The following CLPTM1L variants were observed in gnomAD, a reference collection of about 807,000 sequenced individuals.
CLPTM1L encodes lipid scramblase CLPTM1L.
CLPTM1L carries 38 observed loss-of-function variants against 70.9 expected under a neutral mutation model. That is an observed-to-expected ratio of 0.54 (90% CI 0.41 to 0.70). CLPTM1L has a LOEUF of 0.70. Among genes scored for constraint, CLPTM1L ranks in the 30% least tolerant of loss-of-function variants. CLPTM1L has a pLI of 0.00. For synonymous variants in CLPTM1L, 339 were observed against 299.9 expected (o/e 1.13, Z -1.35); for missense variants, 652 against 705.9 (o/e 0.92, Z 0.87).
At chr5:1,338,794 C>G (rs929628431) in intron 4 of CLPTM1L, 66 bp downstream of exon 4, 3 of 1,593,790 alleles carry the variant, frequency 1.9e-6, no homozygotes, top group Non-Finnish European at 2.6e-6. Flanking sequence ...GACCTGCTGG[C>G]GAGTTCTGGC....
chr5:1,323,910 G>A (rs1406102374), intron 11 of CLPTM1L, 41 bp from the exon 12 acceptor site: 22 of 1,459,048 alleles, frequency 1.5e-5, no homozygotes, highest in Middle Eastern at 1.8e-4. Flanking sequence ...AGGCCCAAAC[G>A]CCAAGCCTCT....
At position 1,328,392 on chromosome 5, in the gene CLPTM1L, T is replaced by C. The variant is rs867572113; in HGVS notation, c.1080+1888A>G. ...CCAGCTCCTCCTCTACAGGGACATTTCTTCCAGCTCCTCCTCTACAGACAC... is the reference window on the plus strand; with the variant it reads ...CCAGCTCCTCCTCTACAGGGACATTCCTTCCAGCTCCTCCTCTACAGACAC... On this transcript the variant is annotated intron_variant, in intron 9 of 16. Coordinates refer to ENST00000320895, the MANE Select transcript of CLPTM1L (RefSeq NM_030782.5). 3.0e-3 allele frequency among the ~76,000 whole-genome samples: 398 copies of C among 132,020 alleles called. 9 individuals carry two copies. The highest frequency in any genetic ancestry group is 0.01 in the African/African-American group (334 of 32,830). The allele number at this position is 132,020 out of a possible 152,430, so 86.6% of individuals were successfully genotyped here.
Position 1,334,383 on chromosome 5 carries a change from C to G in CLPTM1L, c.797G>C (p.Gly266Ala). The G allele has an allele frequency of 6.4e-7, 1 of 1,553,636 alleles. No homozygotes were observed. Among genetic ancestry groups the G allele is most frequent in the Non-Finnish European group, 8.7e-7 (1 of 1,145,576 alleles). Reference sequence around the variant, plus strand: ...CTCATCAGCATCTTTCTCTGAAAACCCTGTCAAGGAAAAAAAAACATACAA... The same window carrying G: ...CTCATCAGCATCTTTCTCTGAAAACGCTGTCAAGGAAAAAAAAACATACAA... ...QDAVYSLQQFGFSEKDADEVK... is the reference protein window; with the variant it reads ...QDAVYSLQQFAFSEKDADEVK... The change falls in exon 7 of 17, where the codon GGG (glycine) becomes GCG (alanine). Residue 266 changes from glycine (G) to alanine (A), a missense_variant and splice_region_variant. Around this residue, in one of 3 missense-constraint regions of CLPTM1L, gnomAD observed 402 missense variants for 388.2 expected, o/e 1.04. Transcript: ENST00000320895.
intron 6 of CLPTM1L, 40 bp downstream of exon 6, chr5:1,335,017 G>A (rs187613637): frequency 1.3e-6 from 2 of 1,526,810 alleles, no homozygotes; most frequent in Non-Finnish European, 1.8e-6. Flanking sequence ...AGGGGCTCCA[G>A]GGCGGCCTCA....
chr5:1,324,063 G>C (rs554874230), intron 11 of CLPTM1L, 194 bp from the exon 12 acceptor site: 1 of 586,450 alleles, frequency 1.7e-6, no homozygotes, highest in Non-Finnish European at 3.0e-6. Context: ...AGGAGGCACC[G>C]CACACGCCAG....
rs1477797290 is a variant in CLPTM1L at position 1,321,834 on chromosome 5, A to G, written c.1316-15T>C. 3 of 1,612,188 alleles carry G rather than the reference A, an allele frequency of 1.9e-6. No individual in the cohort carries two copies. In the East Asian group the frequency reaches 6.7e-5, roughly 36 times the overall value. ...GGCATAGACCCCTGCAGAAAGACAG[A>G]CAGCACTCACGAGGTGCGGAGGGCC... On this transcript the variant is annotated splice_polypyrimidine_tract_variant and intron_variant, in intron 13 of 16. Transcript: ENST00000320895.
In CLPTM1L at chr5:1,318,863, C is replaced by A. The variant is rs1025608992; in HGVS notation, c.1533-410G>T. ...TGAACACTTGGCAGGACACTGCCGC[C>A]GCCTTTGATCCTGAGCGCCCCGGAG... On this transcript the variant is annotated intron_variant, in intron 16 of 16. Transcript: ENST00000320895. The surrounding 1 kb of genome is among the most constrained non-coding windows in gnomAD (Gnocchi z 8.9). 6.6e-6 allele frequency among the ~76,000 whole-genome samples: 1 copy of A among 152,172 alleles called. No homozygotes were observed. The highest frequency in any genetic ancestry group is 2.4e-5 in the African/African-American group (1 of 41,450).
chr5:1,341,548 C>G (rs1753935318), intron 3 of CLPTM1L, 123 bp downstream of exon 3: 3 of 752,974 alleles, frequency 4.0e-6, no homozygotes, highest in Admixed American at 5.5e-5. Context: ...ATTCCAATGG[C>G]TTTTGGCTTT....
At chr5:1,341,392 C>T (rs1376574392) in intron 3 of CLPTM1L, among the ~76,000 whole-genome samples, 1 of 152,226 alleles carries the variant, frequency 6.6e-6, no homozygotes, top group Non-Finnish European at 1.5e-5. Context: ...CAGTAGGTGC[C>T]CCCAGAGACT....
At chr5:1,325,978 T>C (rs1301632096) in intron 9 of CLPTM1L, 162 bp from the exon 10 acceptor site, 4 of 621,684 alleles carry the variant, frequency 6.4e-6, no homozygotes, top group Admixed American at 2.9e-5. Context: ...CGCTGGAGGC[T>C]GGACCTGGGC....
intron 12 of CLPTM1L, among the ~76,000 whole-genome samples, 190 bp from the exon 13 acceptor site, chr5:1,323,101 C>T (rs924969660): frequency 3.3e-5 from 5 of 152,092 alleles, no homozygotes; most frequent in African/African-American, 4.8e-5. Context: ...CACCCCCGGC[C>T]GGGCAGCAGA....
intron 13 of CLPTM1L, among the ~76,000 whole-genome samples, chr5:1,322,372 C>A (rs978832521): frequency 1.3e-5 from 2 of 152,254 alleles, no homozygotes; most frequent in Non-Finnish European, 2.9e-5. Context: ...GGACATGTGG[C>A]CCCGAGCACA....
chr5:1,340,271 G>A (rs555406609), intron 3 of CLPTM1L, among the ~76,000 whole-genome samples: 64 of 152,328 alleles, frequency 4.2e-4, no homozygotes, highest in African/African-American at 1.4e-3. Flanking sequence ...TGGCTGTAAG[G>A]AGACTGAGAG....
At chr5:1,325,914 G>T in intron 9 of CLPTM1L, 98 bp from the exon 10 acceptor site, 1 of 989,904 alleles carries the variant, frequency 1.0e-6, no homozygotes, top group Non-Finnish European at 1.6e-6. Flanking sequence ...TGCTGCCCAT[G>T]GCCCCGCGCA....
intron 7 of CLPTM1L, among the ~76,000 whole-genome samples, 171 bp downstream of exon 7, chr5:1,334,118 C>T (rs1417019220): frequency 6.6e-6 from 1 of 152,144 alleles, no homozygotes; most frequent in Non-Finnish European, 1.5e-5. Flanking sequence ...CCCACTGGGA[C>T]AATGGTCGCC....
chr5:1,325,693 G>T (rs369148150), intron 10 of CLPTM1L, 58 bp downstream of exon 10: 234 of 1,460,226 alleles, frequency 1.6e-4, no homozygotes, highest in Non-Finnish European at 2.0e-4. Flanking sequence ...TTTGCACAGG[G>T]GGCAAAATCA....
intron 9 of CLPTM1L, among the ~76,000 whole-genome samples, chr5:1,328,351 TACGGACACATTTCATCCAGCTCCTCCTC>T (rs1428729045): frequency 3.7e-4 from 53 of 144,932 alleles, no homozygotes; most frequent in Middle Eastern, 3.8e-3. Context: ...GCTCCTCCTC[TACGGACACATTTCATCCAGCTCCTCCTC>T]TACAGGGACA....
At chr5:1,321,896 G>T (rs1752179504) in intron 13 of CLPTM1L, 77 bp from the exon 14 acceptor site, 1 of 1,397,438 alleles carries the variant, frequency 7.2e-7, no homozygotes, top group Non-Finnish European at 1.0e-6. Flanking sequence ...CACTCACGAG[G>T]TGTGGAGGGC....
chr5:1,337,781 G>A (rs1182499509), intron 5 of CLPTM1L, 123 bp downstream of exon 5: 34 of 792,036 alleles, frequency 4.3e-5, no homozygotes, highest in East Asian at 1.6e-4. Flanking sequence ...TTCCCAGCAC[G>A]GGTAAAAGCA....
Sources: allele counts gnomAD v4.1 joint callset (sites outside exome capture counted in the v4.1 genomes callset), GRCh38; gene constraint gnomAD v4.1.1; regional missense constraint gnomAD v4.1.1; non-coding constraint Gnocchi (gnomAD v3.1); transcripts MANE v1.5; gene names NCBI Gene and HGNC (gene_info 2026-07-23, HGNC 2026-07-21).